MYZAP: variants seen among roughly 807,000 people sequenced by gnomAD.
MYZAP encodes the protein myocardial zonula adherens protein.
Under a neutral mutation model 69.4 loss-of-function variants are expected in MYZAP, and 66 were observed. That is an observed-to-expected ratio of 0.95 (90% confidence interval 0.78 to 1.17). The LOEUF (loss-of-function observed/expected upper bound fraction) is 1.17. MYZAP is among the 50% of genes most tolerant of loss of function. The pLI is 0.00. For synonymous variants in MYZAP, 256 were observed against 205.9 expected (o/e 1.24, Z -2.09); for missense variants, 611 against 556.2 (o/e 1.10, Z -0.99).
intron 11 of MYZAP, among the ~76,000 whole-genome samples, chr15:57,669,698 T>C (rs564426749): frequency 6.6e-6 from 1 of 152,218 alleles, no homozygotes; most frequent in Non-Finnish European, 1.5e-5. Flanking sequence ...TACTTTGCTC[T>C]TCTTTTTCTA....
chr15:57,657,276 T>A (rs1394874498), intron 10 of MYZAP, among the ~76,000 whole-genome samples: 1 of 152,218 alleles, frequency 6.6e-6, no homozygotes, highest in Non-Finnish European at 1.5e-5. Flanking sequence ...TTTAGTTCCA[T>A]TTTGCCTTTC....
intron 10 of MYZAP, among the ~76,000 whole-genome samples, chr15:57,657,857 A>G (rs553526600): frequency 6.6e-5 from 10 of 152,292 alleles, no homozygotes; most frequent in African/African-American, 2.2e-4. Flanking sequence ...ACTAATTCAC[A>G]ATGCCACCTG....
Position 57,591,940 on chromosome 15 carries a change from C to G in MYZAP, c.-95C>G, listed in dbSNP as rs376140185. 1.6e-4 allele frequency: 188 copies of G among 1,160,686 alleles called. 1 individual carries two copies. The Middle Eastern group carries it at 4.1e-3, about 25-fold the overall frequency. The allele number at this position is 1,160,686 out of a possible 1,614,324, so 71.9% of individuals were successfully genotyped here. A position where few individuals can be genotyped will look rare whatever the true frequency, so the allele number is the denominator to read the frequency against. On this transcript the variant is annotated 5_prime_UTR_variant, in exon 1 of 13. Transcript: ENST00000267853. ...AGCTGAGGCTGCAAGTAGCCGGCGC[C>G]GTCCCGCGTCGCCCCCGCGCAGGGC...
At chr15:57,637,612 C>T in intron 8 of MYZAP, 83 bp from the exon 9 acceptor site, 2 of 1,480,776 alleles carry the variant, frequency 1.4e-6, no homozygotes, top group Admixed American at 1.9e-5. Context: ...GACTTGGACT[C>T]CCTAGTGCTA....
At chr15:57,638,647 G>C (rs1056837382) in intron 9 of MYZAP, among the ~76,000 whole-genome samples, 1 of 152,160 alleles carries the variant, frequency 6.6e-6, no homozygotes, top group Non-Finnish European at 1.5e-5. Flanking sequence ...AAGAGTCCAA[G>C]CAATGTTGGA....
chr15:57,639,219 T>A lies in MYZAP; in HGVS notation c.1014-221T>A, dbSNP rs548708628. Among the ~76,000 whole-genome samples the A allele has an allele frequency of 2.9e-3, 443 of 151,992 alleles. 2 individuals are homozygous for A. The highest frequency in any genetic ancestry group is 4.8e-3 in the Admixed American group (73 of 15,272). On this transcript the variant is annotated intron_variant, in intron 9 of 12. Transcript: ENST00000267853. The stretch of plus-strand genomic sequence containing the variant: ...TTTTCTATTTTTATTTATTTATTTT[T>A]TTTTTTTGTGGAGATGAGGGTCTCA...
At chr15:57,638,973 A>T (rs562178086) in intron 9 of MYZAP, among the ~76,000 whole-genome samples, 1 of 152,300 alleles carries the variant, frequency 6.6e-6, no homozygotes, top group African/African-American at 2.4e-5. Flanking sequence ...CCTGGAAAAT[A>T]ATCATCCTTA....
At chr15:57,601,585 C>T (rs183356260) in intron 1 of MYZAP, among the ~76,000 whole-genome samples, 1 of 152,070 alleles carries the variant, frequency 6.6e-6, no homozygotes, top group Non-Finnish European at 1.5e-5. Context: ...TCTTTTTGGC[C>T]AACATGACTG....
rs1361573133 is a variant in MYZAP, at chr15:57,664,129, A to G, written c.1203+2596A>G. On this transcript the variant is annotated intron_variant, in intron 11 of 12. Coordinates refer to ENST00000267853, the MANE Select transcript of MYZAP (RefSeq NM_001018100.5). ...GTTTTACTTCTTTCAATATTTTCTT[A>G]GGGCTAACATCATTTTGACACCTTT... Among the ~76,000 whole-genome samples, 3 of 146,702 alleles carry G rather than the reference A, an allele frequency of 2.0e-5. No homozygotes were observed. The East Asian group carries it at 6.0e-4, about 29-fold the overall frequency.
rs190269604 is a variant in MYZAP at position 57,679,395 on chromosome 15, T to A, written c.1304+4327T>A. 7.2e-3 allele frequency among the ~76,000 whole-genome samples: 1,043 copies of A among 145,208 alleles called. 16 individuals are homozygous for A. The highest frequency in any genetic ancestry group is 0.025 in the African/African-American group (1,003 of 39,682). On this transcript the variant is annotated intron_variant, in intron 12 of 12. Transcript: ENST00000267853. ...GTGTGTTTCTCTCTCTCTCTCTCTC[T>A]GTCTCCTCACTAGAATATGAGCTCC...
chr15:57,656,898 C>G (rs184191431), intron 10 of MYZAP, among the ~76,000 whole-genome samples: 2 of 152,276 alleles, frequency 1.3e-5, no homozygotes, highest in Admixed American at 1.3e-4. Flanking sequence ...TTGTTAGAAG[C>G]TGCCGCACCC....
At chr15:57,639,134 T>C (rs1435314899) in intron 9 of MYZAP, among the ~76,000 whole-genome samples, 1 of 152,228 alleles carries the variant, frequency 6.6e-6, no homozygotes, top group African/African-American at 2.4e-5. Flanking sequence ...TTGGAAGCAT[T>C]TTTAAATGTT....
chr15:57,658,450 C>T (rs1424299627), intron 10 of MYZAP, among the ~76,000 whole-genome samples: 1 of 152,194 alleles, frequency 6.6e-6, no homozygotes, highest in African/African-American at 2.4e-5. Context: ...TTCCAATCAG[C>T]ATACACTGTG....
chr15:57,670,923 ATGTAT>A (rs1364548510), intron 11 of MYZAP, among the ~76,000 whole-genome samples: 1 of 152,044 alleles, frequency 6.6e-6, no homozygotes, highest in Non-Finnish European at 1.5e-5. Context: ...ATAATTTTAT[ATGTAT>A]TGTATCTATA....
intron 3 of MYZAP, among the ~76,000 whole-genome samples, chr15:57,621,281 G>A (rs1294091631): frequency 6.8e-6 from 1 of 148,030 alleles, no homozygotes; most frequent in Non-Finnish European, 1.5e-5. Context: ...CATGATCTCG[G>A]CTCACTGCAA....
intron 3 of MYZAP, among the ~76,000 whole-genome samples, chr15:57,619,521 G>T (rs2035680528): frequency 6.6e-6 from 1 of 152,006 alleles, no homozygotes; most frequent in Admixed American, 6.6e-5. Flanking sequence ...GGGACTGCAG[G>T]TGCGCACCGC....
Position 57,647,961 on chromosome 15 carries a change from G to A in MYZAP, c.1119+8416G>A, listed in dbSNP as rs1477858945. On this transcript the variant is annotated intron_variant, in intron 10 of 12. Coordinates refer to ENST00000267853, the MANE Select transcript of MYZAP (RefSeq NM_001018100.5). ...CCGCCACCGCTTTCCTCCCTTAACTGGATCCTTAGCCTTGGACTCCAAGGC... is the reference window on the plus strand; with the variant it reads ...CCGCCACCGCTTTCCTCCCTTAACTAGATCCTTAGCCTTGGACTCCAAGGC... The A allele has an allele frequency of 3.0e-6, 3 of 985,146 alleles. No individual in the cohort carries two copies. The African/African-American group carries it at 5.2e-5, about 17-fold the overall frequency. The allele number at this position is 985,146 out of a possible 1,614,324, so 61.0% of individuals were successfully genotyped here.
chr15:57,648,159 A>G (rs1370160908), intron 10 of MYZAP: 11 of 984,028 alleles, frequency 1.1e-5, no homozygotes, highest in South Asian at 4.7e-5. Flanking sequence ...TAAAATGTCA[A>G]TTTTTAGAAG....
intron 11 of MYZAP, among the ~76,000 whole-genome samples, chr15:57,666,665 T>A (rs1258233043): frequency 5.3e-5 from 8 of 152,020 alleles, no homozygotes; most frequent in African/African-American, 1.9e-4. Flanking sequence ...TGGGGATTAC[T>A]AGATGCGGGA....
Sources: gnomAD v4.1 joint callset for allele counts (sites outside exome capture counted in the v4.1 genomes callset) on GRCh38, gnomAD v4.1.1 for gene constraint, MANE v1.5 for transcripts, NCBI Gene and HGNC (gene_info 2026-07-23, HGNC 2026-07-21) for gene names.